MINK1: variants seen among roughly 807,000 people sequenced by gnomAD.
MINK1 encodes misshapen like kinase 1, also known as misshapen-like kinase 1.
In MINK1, 46 loss-of-function variants were observed where a neutral mutation model predicts 178.4. The ratio of observed to expected loss-of-function variants is 0.26; its 90% CI spans 0.20 to 0.33. The LOEUF (loss-of-function observed/expected upper bound fraction) is 0.33, where lower values mean the gene tolerates loss of function less well. MINK1 is among the 10% of genes least tolerant of loss of function. The pLI is 1.00. For synonymous variants in MINK1, 797 were observed against 709.7 expected (o/e 1.12, Z -1.96); for missense variants, 1,366 against 1,814.9 (o/e 0.75, Z 4.49).
At chr17:4,884,810 C>A in intron 5 of MINK1, 102 bp from the exon 6 acceptor site, 1 of 1,015,796 alleles carries the variant, frequency 9.8e-7, no homozygotes, top group South Asian at 1.4e-5. Flanking sequence ...CAGCCCAGCC[C>A]TGTCCAGACT....
At chr17:4,868,238 A>G (rs1218565562) in intron 1 of MINK1, among the ~76,000 whole-genome samples, 1 of 152,014 alleles carries the variant, frequency 6.6e-6, no homozygotes, top group Non-Finnish European at 1.5e-5. Context: ...CGACCTCCCA[A>G]AGTGCTGGGA....
Position 4,871,841 on chromosome 17 carries a change from G to A in MINK1, c.58-6476G>A, listed in dbSNP as rs576063865. Reference sequence around the variant, plus strand: ...CATGCCCTCAGCAACGCTTTTGATTGTCCATCCTTTTCTAGATGGGGTAGG... The same window carrying A: ...CATGCCCTCAGCAACGCTTTTGATTATCCATCCTTTTCTAGATGGGGTAGG... On this transcript the variant is annotated intron_variant, in intron 1 of 31. Transcript: ENST00000355280. Among the ~76,000 whole-genome samples, 7 of 152,276 alleles carry A rather than the reference G, an allele frequency of 4.6e-5. No homozygotes were observed. The East Asian group carries it at 1.4e-3, about 29-fold the overall frequency.
rs752683128 is a variant in MINK1, at chr17:4,892,211, G to C, written c.2064G>C (p.Arg688=). The C allele has an allele frequency of 2.5e-6, 4 of 1,593,538 alleles. No homozygotes were observed. The highest frequency in any genetic ancestry group is 3.4e-6 in the Non-Finnish European group (4 of 1,171,158). Residue 688 remains arginine (R), a synonymous_variant, in exon 17 of 32, where the codon CGG becomes CGC. Coordinates refer to ENST00000355280, the MANE Select transcript of MINK1 (RefSeq NM_153827.5). ...ACACCAGTGGGGCCGGAGGGTCCCG[G>C]CCAGCCCAGGCAGTCCGTGCCAGGT... is the stretch of plus-strand genomic sequence containing the variant. ...ALNTSGAGGS[R]PAQAVRARPR...
intron 1 of MINK1, among the ~76,000 whole-genome samples, chr17:4,837,409 G>T (rs977112538): frequency 6.6e-6 from 1 of 152,138 alleles, no homozygotes; most frequent in African/African-American, 2.4e-5. Context: ...GCTTCATTTT[G>T]CCCCTCTTTT....
chr17:4,892,168 C>G lies in MINK1; in HGVS notation c.2021C>G (p.Ser674Cys). Reference protein sequence around the residue: ...APPKVPQRTSSIATALNTSGA... With the variant: ...APPKVPQRTSCIATALNTSGA... The stretch of plus-strand genomic sequence containing the variant: ...CCACAGGTGCCTCAGAGGACCTCAT[C>G]TATCGCCACTGCCCTTAACACCAGT... The change falls in exon 17 of 32, where the codon TCT becomes TGT. Residue 674 changes from serine to cysteine, a missense_variant. Ser to Cys is a moderately radical substitution (Grantham distance 112, BLOSUM62 -1). Around this residue, in one of 14 missense-constraint regions of MINK1, gnomAD observed 709 missense variants for 692.3 expected, o/e 1.02. Coordinates refer to ENST00000355280, the MANE Select transcript of MINK1 (RefSeq NM_153827.5). 1 of 1,600,388 alleles carries G rather than the reference C, an allele frequency of 6.2e-7. No homozygotes were observed. The highest frequency in any genetic ancestry group is 1.1e-5 in the South Asian group (1 of 88,754).
intron 1 of MINK1, among the ~76,000 whole-genome samples, chr17:4,848,568 GC>G (rs1567562206): frequency 3.9e-5 from 6 of 152,332 alleles, no homozygotes; most frequent in African/African-American, 1.4e-4. Context: ...CACCGTGTTA[GC>G]CAGGATGGTC....
chr17:4,895,471 C>T lies in MINK1; in HGVS notation c.3207C>T (p.Leu1069=), dbSNP rs761206270. The change falls in exon 26 of 32, where the codon CTC becomes CTT. Residue 1069 remains leucine (L), a synonymous_variant. Coordinates refer to ENST00000355280, the MANE Select transcript of MINK1 (RefSeq NM_153827.5). This position sits in a 1 kb window ranked among gnomAD's most constrained non-coding sequence, Gnocchi z 4.3. ...RFQQMDVLEG[L]NLLITISGKR... ...AGCAGATGGATGTGCTGGAGGGGCT[C>T]AACCTGCTCATCACCATCTCAGGTA... 1.3e-6 allele frequency: 2 copies of T among 1,591,604 alleles called. No homozygotes were observed. Among genetic ancestry groups the T allele is most frequent in the South Asian group, 2.3e-5 (2 of 87,124 alleles).
At chr17:4,876,029 C>G (rs563654125) in intron 1 of MINK1, among the ~76,000 whole-genome samples, 1 of 151,870 alleles carries the variant, frequency 6.6e-6, no homozygotes. Flanking sequence ...TACCCTGACC[C>G]CTTGATCTGC....
intron 1 of MINK1, among the ~76,000 whole-genome samples, chr17:4,835,568 A>G (rs1472994859): frequency 3.9e-5 from 6 of 152,198 alleles, no homozygotes; most frequent in Non-Finnish European, 8.8e-5. Context: ...TGGAGGTTGC[A>G]GTGAGCCAAG....
In MINK1 at chr17:4,895,151, T is replaced by C; in HGVS notation, c.2994T>C (p.Asn998=). The change falls in exon 25 of 32, where the codon AAT becomes AAC. Residue 998 remains asparagine (N), a synonymous_variant. Transcript: ENST00000355280. The surrounding 1 kb of genome is among the most constrained non-coding windows in gnomAD (Gnocchi z 4.3). The part of the protein sequence containing the change: ...DVRKGSVVNV[N]PTNTRAHSET... ...GGAAGGGTTCTGTGGTCAACGTGAA[T>C]CCCACCAACACCCGGGCCCACAGTG... The C allele has an allele frequency of 6.2e-7, 1 of 1,613,638 alleles. No homozygotes were observed. The highest frequency in any genetic ancestry group is 8.5e-7 in the Non-Finnish European group (1 of 1,179,930).
intron 1 of MINK1, among the ~76,000 whole-genome samples, chr17:4,835,233 G>T (rs867861318): frequency 2.0e-5 from 3 of 152,158 alleles, no homozygotes; most frequent in African/African-American, 4.8e-5. Context: ...GTCCCTTAAT[G>T]TGCTCCATTC....
At chr17:4,868,568 A>G (rs912050849) in intron 1 of MINK1, among the ~76,000 whole-genome samples, 4 of 152,102 alleles carry the variant, frequency 2.6e-5, no homozygotes, top group Admixed American at 2.6e-4. Context: ...GGGCTCTTCC[A>G]TGTTGCTGCA....
In MINK1 at chr17:4,894,143, C is replaced by G; in HGVS notation, c.2671-31C>G. On this transcript the variant is annotated intron_variant, in intron 22 of 31. Transcript: ENST00000355280. The surrounding 1 kb of genome is among the most constrained non-coding windows in gnomAD (Gnocchi z 4.1). Reference sequence around the variant, plus strand: ...CTGTACCTGTGTGTGCCCTCCTCAGCCCCACGCCAACCCTGCCCTCTGTCC... The same window carrying G: ...CTGTACCTGTGTGTGCCCTCCTCAGGCCCACGCCAACCCTGCCCTCTGTCC... The G allele has an allele frequency of 3.7e-6, 6 of 1,612,218 alleles. No individual in the cohort carries two copies. Among genetic ancestry groups the G allele is most frequent in the Non-Finnish European group, 4.2e-6 (5 of 1,178,896 alleles).
chr17:4,844,736 T>A lies in MINK1; in HGVS notation c.57+11096T>A, dbSNP rs563082287. 30 of 317,616 alleles carry A rather than the reference T, an allele frequency of 9.4e-5. No individual in the cohort carries two copies. In the East Asian group the frequency reaches 1.2e-3, roughly 13 times the overall value. 19.7% of individuals were successfully genotyped at this position (317,616 alleles called of 1,614,324 possible). Reference sequence around the variant, plus strand: ...GACATGCAGAAGACTTCAGAATATTTGGTCTGCAGGAAAGATAGTCGAATA... The same window carrying A: ...GACATGCAGAAGACTTCAGAATATTAGGTCTGCAGGAAAGATAGTCGAATA... On this transcript the variant is annotated intron_variant, in intron 1 of 31. Transcript: ENST00000355280.
In MINK1 at chr17:4,890,527, G is replaced by A. The variant is rs372805307; in HGVS notation, c.1358G>A (p.Arg453Gln). The A allele has an allele frequency of 6.9e-6, 11 of 1,588,606 alleles. No individual in the cohort carries two copies. Among genetic ancestry groups the A allele is most frequent in the East Asian group, 2.3e-5 (1 of 43,378 alleles). ...RQAEREQEYKRKQLEEQRQSE... is the reference protein window; with the variant it reads ...RQAEREQEYKQKQLEEQRQSE... ...TACCCTTGGGCCCAGGAATACAAGC[G>A]GAAGCAGCTGGAGGAGCAGCGGCAG... Residue 453 changes from arginine (R) to glutamine (Q), a missense_variant, in exon 14 of 32, where the codon CGG (arginine) becomes CAG (glutamine). By Grantham distance (43) the Arg-to-Gln change is conservative. This residue lies in a region of MINK1 where 87 missense variants were observed against 78.9 expected (regional missense o/e 1.10). Coordinates refer to ENST00000355280, the MANE Select transcript of MINK1 (RefSeq NM_153827.5).
intron 12 of MINK1, among the ~76,000 whole-genome samples, chr17:4,888,643 A>T (rs940197936): frequency 1.3e-5 from 2 of 152,076 alleles, no homozygotes; most frequent in Non-Finnish European, 2.9e-5. Flanking sequence ...AAAAATAAAA[A>T]AATAAAATAA....
At position 4,895,570 on chromosome 17, in the gene MINK1, G is replaced by A. The variant is rs1969361373; in HGVS notation, c.3229+77G>A. ...GTCACCATCTTCTGCCTGGGAGGAG[G>A]GCAGGCACTGGAAGGTGGGGCCACA... On this transcript the variant is annotated intron_variant, in intron 26 of 31. Transcript: ENST00000355280. This position sits in a 1 kb window ranked among gnomAD's most constrained non-coding sequence, Gnocchi z 4.3. 6.5e-7 allele frequency: 1 copy of A among 1,547,424 alleles called. No homozygotes were observed. Among genetic ancestry groups the A allele is most frequent in the Non-Finnish European group, 8.7e-7 (1 of 1,143,238 alleles).
chr17:4,870,638 G>A (rs1186261721), intron 1 of MINK1, among the ~76,000 whole-genome samples: 4 of 151,656 alleles, frequency 2.6e-5, no homozygotes, highest in African/African-American at 4.8e-5. Flanking sequence ...CAGCTTGGGC[G>A]ACATAGTGAA....
intron 12 of MINK1, among the ~76,000 whole-genome samples, chr17:4,888,638 TAAAAA>T (rs934522671): frequency 2.1e-5 from 3 of 142,240 alleles, no homozygotes; most frequent in Admixed American, 2.1e-4. Context: ...CTCCAAAAAA[TAAAAA>T]AATAAAATAA....
Sources: gnomAD v4.1 joint callset for allele counts (sites outside exome capture counted in the v4.1 genomes callset) on GRCh38, gnomAD v4.1.1 for gene constraint, gnomAD v4.1.1 regional missense constraint, Gnocchi (gnomAD v3.1) non-coding constraint, MANE v1.5 for transcripts, NCBI Gene and HGNC (gene_info 2026-07-23, HGNC 2026-07-21) for gene names.